DCAF6: variants seen among roughly 807,000 people sequenced by gnomAD.
The protein encoded by DCAF6 is DDB1 and CUL4 associated factor 6, also known as DDB1- and CUL4-associated factor 6.
Under a neutral mutation model 125.1 loss-of-function variants are expected in DCAF6, and 54 were observed. The ratio of observed to expected loss-of-function variants is 0.43; its 90% CI spans 0.35 to 0.54. The LOEUF is 0.54. DCAF6 is among the 20% of genes least tolerant of loss of function. The pLI is 0.01. For missense variants in DCAF6, 934 were observed against 1,161.7 expected (o/e 0.80, Z 2.85); for synonymous variants, 371 against 390.4 (o/e 0.95, Z 0.58).
At chr1:168,020,145 C>T (rs1317542292) in intron 11 of DCAF6, among the ~76,000 whole-genome samples, 1 of 152,148 alleles carries the variant, frequency 6.6e-6, no homozygotes, top group African/African-American at 2.4e-5. Flanking sequence ...ATGACCCATT[C>T]CTATGTGCTG....
chr1:167,876,179 C>G, the DCAF6 span, among the ~76,000 whole-genome samples: 21 of 151,720 alleles, frequency 1.4e-4, no homozygotes, highest in African/African-American at 5.1e-4. Context: ...ATCGCTTGAA[C>G]CCAAGAGACA....
chr1:168,063,476 GC>G (rs1364423569), intron 17 of DCAF6, 144 bp from the exon 18 acceptor site: 22 of 558,450 alleles, frequency 3.9e-5, no homozygotes, highest in Non-Finnish European at 6.3e-5. Flanking sequence ...TGTTGTGTCT[GC>G]GTTTTTATGC....
chr1:168,016,584 C>T (rs746539199), intron 11 of DCAF6, among the ~76,000 whole-genome samples: 1 of 152,082 alleles, frequency 6.6e-6, no homozygotes, highest in Non-Finnish European at 1.5e-5. Flanking sequence ...AAAATTGTCA[C>T]TCTTTTTTTC....
At position 168,003,967 on chromosome 1, in the gene DCAF6, A is replaced by G. The variant is rs1682988927; in HGVS notation, c.1095A>G (p.Gly365=). The change falls in exon 9 of 22, where the codon GGA becomes GGG. Residue 365 remains glycine (G), a synonymous_variant. Transcript: ENST00000367840. ...EASEVAQSNR[G]RGRSRPRGGT... ...GTGAGGTTGCACAAAGCAATAGAGGACGAGGAAGATCTCGACCCAGAGGTA... is the reference window on the plus strand; with the variant it reads ...GTGAGGTTGCACAAAGCAATAGAGGGCGAGGAAGATCTCGACCCAGAGGTA... The G allele has an allele frequency of 6.2e-7, 1 of 1,612,352 alleles. No homozygotes were observed. The highest frequency in any genetic ancestry group is 1.7e-5 in the Admixed American group (1 of 59,876).
Position 167,974,959 on chromosome 1 carries a change from G to A in DCAF6, c.382G>A (p.Asp128Asn). 1 of 1,609,078 alleles carries A rather than the reference G, an allele frequency of 6.2e-7. No individual in the cohort carries two copies. The highest frequency in any genetic ancestry group is 8.5e-7 in the Non-Finnish European group (1 of 1,177,814). The change falls in exon 4 of 22, where the codon GAT becomes AAT. Residue 128 changes from aspartate (D) to asparagine (N), a missense_variant. Physicochemically the swap from Asp to Asn is conservative, Grantham distance 23. Transcript: ENST00000367840. ...GVIFYTNVEQ[D>N]AETNRQCQFT... ...AATATTTTATACCAACGTTGAGCAA[G>A]ATGCAGAAACCAACAGACAATGCCA...
chr1:167,942,220 A>G (rs919359328), intron 1 of DCAF6, among the ~76,000 whole-genome samples: 1 of 150,530 alleles, frequency 6.6e-6, no homozygotes. Flanking sequence ...ATGCGCCACC[A>G]TGCCCAGCTA....
chr1:167,887,071 AAT>A, the DCAF6 span, among the ~76,000 whole-genome samples: 1 of 152,192 alleles, frequency 6.6e-6, no homozygotes, highest in Non-Finnish European at 1.5e-5. Flanking sequence ...GATGTGGAGA[AAT>A]AGGAACACTT....
At chr1:167,973,681 C>G (rs929512418) in intron 3 of DCAF6, among the ~76,000 whole-genome samples, 5 of 151,966 alleles carry the variant, frequency 3.3e-5, no homozygotes, top group Non-Finnish European at 2.9e-5. Context: ...GATTTCAAGC[C>G]AACTTAGTGT....
the DCAF6 span, chr1:167,904,085 T>C: frequency 6.1e-6 from 2 of 326,826 alleles, no homozygotes; most frequent in Non-Finnish European, 5.4e-6. Flanking sequence ...GCCTCAGCTT[T>C]TTTTTTTTTT....
At chr1:168,037,816 T>C (rs965291897) in intron 12 of DCAF6, among the ~76,000 whole-genome samples, 3 of 152,150 alleles carry the variant, frequency 2.0e-5, no homozygotes, top group African/African-American at 7.2e-5. Flanking sequence ...ATCAAAGCAC[T>C]ATAAATACCA....
intron 2 of DCAF6, among the ~76,000 whole-genome samples, chr1:167,953,668 T>G (rs1299875342): frequency 6.6e-6 from 1 of 152,144 alleles, no homozygotes; most frequent in Non-Finnish European, 1.5e-5. Flanking sequence ...GGTGCAATCT[T>G]GGCTCACTGC....
At chr1:167,997,335 A>G (rs1483893060) in intron 7 of DCAF6, among the ~76,000 whole-genome samples, 1 of 152,224 alleles carries the variant, frequency 6.6e-6, no homozygotes, top group Non-Finnish European at 1.5e-5. Flanking sequence ...AGTTCGTATG[A>G]AGGATGAAGC....
chr1:167,991,111 G>GGT, intron 5 of DCAF6, 93 bp from the exon 6 acceptor site: 4 of 1,076,252 alleles, frequency 3.7e-6, no homozygotes, highest in Non-Finnish European at 5.1e-6. Flanking sequence ...TTCTGAGAAT[G>GGT]GTTATTCTAA....
intron 2 of DCAF6, among the ~76,000 whole-genome samples, chr1:167,957,615 TG>T (rs1674978751): frequency 1.3e-5 from 2 of 152,166 alleles, no homozygotes; most frequent in Non-Finnish European, 1.5e-5. Context: ...TTTTGTGTGT[TG>T]TAAGTTTTCA....
At chr1:168,030,252 A>T (rs1354206413) in intron 12 of DCAF6, among the ~76,000 whole-genome samples, 1 of 152,180 alleles carries the variant, frequency 6.6e-6, no homozygotes, top group South Asian at 2.1e-4. Context: ...TGAGGAAGAG[A>T]CATTAAGCTG....
At chr1:167,879,286 GATTA>G in the DCAF6 span, among the ~76,000 whole-genome samples, 1 of 152,148 alleles carries the variant, frequency 6.6e-6, no homozygotes, top group Non-Finnish European at 1.5e-5. Context: ...GGTTTATGAA[GATTA>G]ATTAGTTAAT....
intron 1 of DCAF6, among the ~76,000 whole-genome samples, chr1:167,945,498 T>C (rs978687513): frequency 2.6e-5 from 4 of 152,154 alleles, no homozygotes; most frequent in Admixed American, 1.3e-4. Context: ...CTTTTTTCTT[T>C]TTTTCTTTTT....
chr1:167,989,811 G>T (rs1408194014), intron 5 of DCAF6, among the ~76,000 whole-genome samples: 1 of 151,914 alleles, frequency 6.6e-6, no homozygotes, highest in Non-Finnish European at 1.5e-5. Context: ...AACCCAGGAG[G>T]TGGAGGTTGC....
At chr1:167,944,941 A>T (rs1672831504) in intron 1 of DCAF6, among the ~76,000 whole-genome samples, 1 of 152,142 alleles carries the variant, frequency 6.6e-6, no homozygotes, top group Admixed American at 6.5e-5. Flanking sequence ...CTGCATATGG[A>T]TATCTAATTT....
Sources: gnomAD v4.1 joint callset for allele counts (sites outside exome capture counted in the v4.1 genomes callset) on GRCh38, gnomAD v4.1.1 for gene constraint, MANE v1.5 for transcripts, NCBI Gene and HGNC (gene_info 2026-07-23, HGNC 2026-07-21) for gene names.